RPTOR: variants seen among roughly 807,000 people sequenced by gnomAD.
RPTOR encodes regulatory-associated protein of mTOR.
In RPTOR, 21 loss-of-function variants were observed where a neutral mutation model predicts 169.9. The ratio of observed to expected loss-of-function variants is 0.12; its 90% CI spans 0.09 to 0.18. The LOEUF (loss-of-function observed/expected upper bound fraction) is 0.18, where lower values mean the gene tolerates loss of function less well. Among genes scored for constraint, RPTOR ranks in the 10% least tolerant of loss-of-function variants. RPTOR has a pLI of 1.00. For missense variants in RPTOR, 1,133 were observed against 1,855.9 expected, an observed-to-expected ratio of 0.61 and a Z score of 7.16; for synonymous variants, 732 against 753.2, an observed-to-expected ratio of 0.97 and a Z score of 0.46.
chr17:80,605,994 G>C (rs562252103), intron 1 of RPTOR, among the ~76,000 whole-genome samples: 4 of 152,074 alleles, frequency 2.6e-5, no homozygotes, highest in African/African-American at 9.7e-5. Context: ...TTTTCTATGC[G>C]TGTCTCTTAC....
At chr17:80,772,282 T>C (rs892685489) in intron 6 of RPTOR, among the ~76,000 whole-genome samples, 1 of 152,134 alleles carries the variant, frequency 6.6e-6, no homozygotes, top group Non-Finnish European at 1.5e-5. Flanking sequence ...TAATATCACA[T>C]CCAAAAACTC....
At chr17:80,925,155 T>C in intron 23 of RPTOR, among the ~76,000 whole-genome samples, 1 of 152,202 alleles carries the variant, frequency 6.6e-6, no homozygotes, top group African/African-American at 2.4e-5. Flanking sequence ...TGGCTCACAC[T>C]TCACAGCCCG....
chr17:80,932,146 CATATAT>C (rs57950527), intron 24 of RPTOR, among the ~76,000 whole-genome samples: 1 of 145,872 alleles, frequency 6.9e-6, no homozygotes, highest in African/African-American at 2.5e-5. Context: ...TCCAGGCATG[CATATAT>C]ATATATATAT....
At chr17:80,928,019 T>G (rs1431500372) in intron 24 of RPTOR, among the ~76,000 whole-genome samples, 1 of 152,128 alleles carries the variant, frequency 6.6e-6, no homozygotes, top group African/African-American at 2.4e-5. Flanking sequence ...GGTTGCTGAA[T>G]GAGTAAATGA....
intron 4 of RPTOR, among the ~76,000 whole-genome samples, chr17:80,724,306 A>G (rs2066311812): frequency 6.6e-6 from 1 of 151,102 alleles, no homozygotes; most frequent in Non-Finnish European, 1.5e-5. Context: ...GCCAGGATGG[A>G]AGGGTCAGGA....
intron 26 of RPTOR, among the ~76,000 whole-genome samples, chr17:80,946,148 C>T (rs979631804): frequency 3.9e-5 from 6 of 152,150 alleles, no homozygotes; most frequent in African/African-American, 7.2e-5. Context: ...TAAGAAGATG[C>T]TAGGTGCCCC....
At position 80,945,704 on chromosome 17, in the gene RPTOR, G is replaced by T. The variant is rs1395444488; in HGVS notation, c.3063G>T (p.Arg1021Ser). Reference sequence around the variant, plus strand: ...TGGACGACCAAATATTTCTGAACAGGAACCCCGGCGTCCCCTCTGTGGTGA... The same window carrying T: ...TGGACGACCAAATATTTCTGAACAGTAACCCCGGCGTCCCCTCTGTGGTGA... ...TRLDDQIFLN[R>S]NPGVPSVVKF... The change falls in exon 26 of 34, where the codon AGG becomes AGT. Residue 1021 changes from arginine (R) to serine (S), a missense_variant. Arg to Ser is a moderately radical substitution (Grantham distance 110, BLOSUM62 -1). Coordinates refer to ENST00000306801, the MANE Select transcript of RPTOR (RefSeq NM_020761.3). 1 of 1,611,586 alleles carries T rather than the reference G, an allele frequency of 6.2e-7. No individual in the cohort carries two copies. Among genetic ancestry groups the T allele is most frequent in the Admixed American group, 1.7e-5 (1 of 59,728 alleles).
rs1555639721 is a variant in RPTOR, at chr17:80,947,211, C to T, written c.3141-16C>T. 1 of 1,565,318 alleles carries T rather than the reference C, an allele frequency of 6.4e-7. No individual in the cohort carries two copies. Among genetic ancestry groups the T allele is most frequent in the South Asian group, 1.2e-5 (1 of 82,900 alleles). Reference sequence around the variant, plus strand: ...GTTTCCTAATGACTTTTTTATTCCTCTCTTCTTCCCTTAAGCTTTTGGGAC... The same window carrying T: ...GTTTCCTAATGACTTTTTTATTCCTTTCTTCTTCCCTTAAGCTTTTGGGAC... On this transcript the variant is annotated splice_polypyrimidine_tract_variant and intron_variant, in intron 26 of 33. Coordinates refer to ENST00000306801, the MANE Select transcript of RPTOR (RefSeq NM_020761.3). The surrounding 1 kb of genome is among the most constrained non-coding windows in gnomAD (Gnocchi z 4.4).
intron 2 of RPTOR, among the ~76,000 whole-genome samples, chr17:80,630,219 C>CT (rs2065431727): frequency 6.6e-6 from 1 of 152,096 alleles, no homozygotes; most frequent in Admixed American, 6.6e-5. Context: ...CTTTTCCTTG[C>CT]TTTTTTTGTG....
chr17:80,599,183 GCTCTC>G (rs552543793), intron 1 of RPTOR, among the ~76,000 whole-genome samples: 1 of 152,220 alleles, frequency 6.6e-6, no homozygotes, highest in East Asian at 1.9e-4. Context: ...GTTATAAAAG[GCTCTC>G]CCCTGGATCT....
chr17:80,940,999 A>C (rs1456845136), intron 25 of RPTOR, among the ~76,000 whole-genome samples: 5 of 152,198 alleles, frequency 3.3e-5, no homozygotes, highest in Non-Finnish European at 5.9e-5. Flanking sequence ...CTGAGAGCCC[A>C]CATCTCCCCA....
chr17:80,895,877 C>T (rs893246573), intron 20 of RPTOR, among the ~76,000 whole-genome samples: 5 of 152,214 alleles, frequency 3.3e-5, no homozygotes, highest in Admixed American at 2.0e-4. Context: ...ACAGACTCGC[C>T]TTGTGTCGTT....
chr17:80,737,383 T>C (rs1380909595), intron 5 of RPTOR, among the ~76,000 whole-genome samples: 4 of 152,156 alleles, frequency 2.6e-5, no homozygotes, highest in Non-Finnish European at 5.9e-5. Context: ...TTTCCCCAGA[T>C]ATGTCAGTAA....
intron 1 of RPTOR, among the ~76,000 whole-genome samples, chr17:80,591,593 G>A (rs1220947731): frequency 1.3e-5 from 2 of 151,798 alleles, no homozygotes; most frequent in South Asian, 2.1e-4. Context: ...TGCCCAGGGT[G>A]GTCTCGAACT....
At chr17:80,676,235 T>C (rs2065860602) in intron 3 of RPTOR, among the ~76,000 whole-genome samples, 1 of 152,248 alleles carries the variant, frequency 6.6e-6, no homozygotes, top group African/African-American at 2.4e-5. Flanking sequence ...TATGGAAAGT[T>C]CCAGTAGGTT....
chr17:80,610,575 G>C (rs990731244), intron 1 of RPTOR, among the ~76,000 whole-genome samples: 1 of 152,140 alleles, frequency 6.6e-6, no homozygotes, highest in Admixed American at 6.5e-5. Flanking sequence ...TGATGGCCTC[G>C]TGGCTGTACT....
At chr17:80,868,042 A>G (rs1436693399) in intron 13 of RPTOR, among the ~76,000 whole-genome samples, 11 of 152,204 alleles carry the variant, frequency 7.2e-5, no homozygotes, top group Admixed American at 2.6e-4. Flanking sequence ...AAGATCGGAA[A>G]TAGCTTCAAA....
At chr17:80,683,832 G>A (rs2065915890) in intron 3 of RPTOR, among the ~76,000 whole-genome samples, 1 of 152,146 alleles carries the variant, frequency 6.6e-6, no homozygotes, top group South Asian at 2.1e-4. Context: ...AGGTGGAGCA[G>A]CCTCATATTC....
intron 1 of RPTOR, among the ~76,000 whole-genome samples, chr17:80,581,562 ATTCTCT>A (rs1444933220): frequency 7.0e-6 from 1 of 143,808 alleles, no homozygotes; most frequent in Non-Finnish European, 1.5e-5. Flanking sequence ...CATGCCTGCT[ATTCTCT>A]GCAGTGGAGA....
Sources: allele counts gnomAD v4.1 joint callset (sites outside exome capture counted in the v4.1 genomes callset), GRCh38; gene constraint gnomAD v4.1.1; non-coding constraint Gnocchi (gnomAD v3.1); transcripts MANE v1.5; gene names NCBI Gene and HGNC (gene_info 2026-07-23, HGNC 2026-07-21).